STEAP2: variants seen among roughly 807,000 people sequenced by gnomAD.
STEAP2 encodes the protein STEAP2 metalloreductase.
A neutral mutation model predicts 46.4 loss-of-function variants in STEAP2; 30 were observed. That is an observed-to-expected ratio of 0.65 (90% CI 0.48 to 0.88). The LOEUF is 0.88. Ranked by LOEUF, STEAP2 falls within the 40% of genes least tolerant of loss-of-function variation. STEAP2 has a pLI of 0.00. For synonymous variants in STEAP2, 180 were observed against 200.5 expected, an observed-to-expected ratio of 0.90 and a Z score of 0.86; for missense variants, 513 against 579.3, an observed-to-expected ratio of 0.89 and a Z score of 1.18.
intron 5 of STEAP2, among the ~76,000 whole-genome samples, chr7:90,231,516 A>G (rs1290338477): frequency 6.6e-6 from 1 of 151,970 alleles, no homozygotes; most frequent in Non-Finnish European, 1.5e-5. Context: ...ACCATGACCT[A>G]TTGCTCCCAG....
chr7:90,228,474 C>CA (rs1298708276), intron 4 of STEAP2, among the ~76,000 whole-genome samples: 5 of 152,112 alleles, frequency 3.3e-5, no homozygotes, highest in Non-Finnish European at 5.9e-5. Flanking sequence ...TGCCTCCTTC[C>CA]AGTCATTTGC....
In STEAP2 at chr7:90,232,577, G is replaced by A. The variant is rs768582190; in HGVS notation, c.1426G>A (p.Gly476Arg). 1.2e-6 allele frequency: 2 copies of A among 1,612,976 alleles called. No homozygotes were observed. The highest frequency in any genetic ancestry group is 3.3e-5 in the Admixed American group (2 of 59,954). Reference sequence around the variant, plus strand: ...GAGCCAATTTCTGGAAGAAGGTATGGGAGGAACAATTCCTCATGTCTCCCC... The same window carrying A: ...GAGCCAATTTCTGGAAGAAGGTATGAGAGGAACAATTCCTCATGTCTCCCC... ...EKSQFLEEGMGGTIPHVSPER... is the reference protein window; with the variant it reads ...EKSQFLEEGMRGTIPHVSPER... The change falls in exon 6 of 6, where the codon GGA becomes AGA. Residue 476 changes from glycine to arginine, a missense_variant. Transcript: ENST00000394621.
At chr7:90,226,936 A>G in intron 3 of STEAP2, 35 bp from the exon 4 acceptor site, 1 of 1,529,886 alleles carries the variant, frequency 6.5e-7, no homozygotes, top group East Asian at 2.3e-5. Context: ...TATAAACAAC[A>G]ATGGTAATGC....
At chr7:90,239,838 ATTC>A (rs1796040385), downstream of STEAP2, among the ~76,000 whole-genome samples, 1 of 152,144 alleles carries the variant, frequency 6.6e-6, no homozygotes, top group African/African-American at 2.4e-5. Context: ...AGGGGTGACT[ATTC>A]TTTTACTTTC....
chr7:90,220,584 T>C (rs1795214536), intron 2 of STEAP2, among the ~76,000 whole-genome samples: 1 of 152,168 alleles, frequency 6.6e-6, no homozygotes, highest in Non-Finnish European at 1.5e-5. Context: ...AACTTTTTGT[T>C]TCATCCATCC....
Position 90,237,019 on chromosome 7 carries a change from A to C in STEAP2, c.*4395A>C. On this transcript the variant is annotated 3_prime_UTR_variant, in exon 6 of 6. Transcript: ENST00000394621. Reference sequence around the variant, plus strand: ...GTCCTTGCAGTTAGGTGTACATGTGACTGAGTGTTGGCCAGTGAGATGAAG... The same window carrying C: ...GTCCTTGCAGTTAGGTGTACATGTGCCTGAGTGTTGGCCAGTGAGATGAAG... 6.4e-7 allele frequency: 1 copy of C among 1,556,464 alleles called. No homozygotes were observed. The highest frequency in any genetic ancestry group is 8.8e-7 in the Non-Finnish European group (1 of 1,131,118).
At chr7:90,221,428 A>G (rs890482057) in intron 2 of STEAP2, among the ~76,000 whole-genome samples, 12 of 152,140 alleles carry the variant, frequency 7.9e-5, no homozygotes, top group Admixed American at 3.9e-4. Context: ...TTTATTTGAT[A>G]TAAGTATAGT....
downstream of STEAP2, chr7:90,238,004 C>A: frequency 1.4e-6 from 1 of 711,350 alleles, no homozygotes. Context: ...AATAATTACC[C>A]ATTTTTACAG....
At chr7:90,241,676 G>C (rs1017462132), downstream of STEAP2, among the ~76,000 whole-genome samples, 5 of 152,124 alleles carry the variant, frequency 3.3e-5, no homozygotes, top group African/African-American at 4.8e-5. Flanking sequence ...ATACACATTA[G>C]GTTTTGAAAA....
At position 90,225,567 on chromosome 7, in the gene STEAP2, G is replaced by A; in HGVS notation, c.485G>A (p.Ser162Asn). ...WALQLGPKDASRQVYICSNNI... is the reference protein window; with the variant it reads ...WALQLGPKDANRQVYICSNNI... ...CTTCAGTTAGGACCTAAGGATGCCA[G>A]CCGGCAGGTATGTATTTTACATTTT... Residue 162 changes from serine to asparagine, a missense_variant, in exon 3 of 6, where the codon AGC becomes AAC. Physicochemically the swap from Ser to Asn is conservative, Grantham distance 46 (BLOSUM62 1). Coordinates refer to ENST00000394621, the MANE Select transcript of STEAP2 (RefSeq NM_001244944.2). The A allele has an allele frequency of 6.3e-7, 1 of 1,588,718 alleles. No individual in the cohort carries two copies. The highest frequency in any genetic ancestry group is 1.7e-4 in the Middle Eastern group (1 of 5,894).
At position 90,235,919 on chromosome 7, in the gene STEAP2, C is replaced by T. The variant is rs1440834112; in HGVS notation, c.*3295C>T. 8.2e-6 allele frequency: 8 copies of T among 980,074 alleles called. No homozygotes were observed. The highest frequency in any genetic ancestry group is 9.7e-6 in the Non-Finnish European group (8 of 825,282). 60.7% of individuals were successfully genotyped at this position (980,074 alleles called of 1,614,324 possible). A position where few individuals can be genotyped will look rare whatever the true frequency, so the allele number is the denominator to read the frequency against. ...TGCTACATACAGGTTGGCTAATGAGCTCTAGTGTTAAACTACCTGATTAAT... is the reference window on the plus strand; with the variant it reads ...TGCTACATACAGGTTGGCTAATGAGTTCTAGTGTTAAACTACCTGATTAAT... On this transcript the variant is annotated 3_prime_UTR_variant, in exon 6 of 6. Coordinates refer to ENST00000394621, the MANE Select transcript of STEAP2 (RefSeq NM_001244944.2).
chr7:90,223,334 A>G (rs1795335469), intron 2 of STEAP2, among the ~76,000 whole-genome samples: 1 of 151,926 alleles, frequency 6.6e-6, no homozygotes, highest in South Asian at 2.1e-4. Flanking sequence ...CAGCTTAACT[A>G]TTTCTCTCTC....
chr7:90,214,090 A>G (rs1211916799), intron 1 of STEAP2, among the ~76,000 whole-genome samples: 4 of 152,228 alleles, frequency 2.6e-5, no homozygotes, highest in African/African-American at 9.6e-5. Flanking sequence ...ATGTTTGGAA[A>G]GGGTCAAAAG....
At position 90,227,292 on chromosome 7, in the gene STEAP2, C is replaced by T. The variant is rs1217080128; in HGVS notation, c.814C>T (p.Leu272Phe). 6.2e-7 allele frequency: 1 copy of T among 1,613,832 alleles called. No individual in the cohort carries two copies. The highest frequency in any genetic ancestry group is 8.5e-7 in the Non-Finnish European group (1 of 1,179,828). ...VAITLLSLVY[L>F]AGLLAAAYQL... ...CATTACTTTGCTCTCCCTAGTATACCTCGCAGGTCTTCTGGCAGCTGCTTA... is the reference window on the plus strand; with the variant it reads ...CATTACTTTGCTCTCCCTAGTATACTTCGCAGGTCTTCTGGCAGCTGCTTA... The change falls in exon 4 of 6, where the codon CTC becomes TTC. Residue 272 changes from leucine (L) to phenylalanine (F), a missense_variant. Coordinates refer to ENST00000394621, the MANE Select transcript of STEAP2 (RefSeq NM_001244944.2).
rs538861097 is a variant in STEAP2, at chr7:90,234,368, T to C, written c.*1744T>C. ...CGTTCCTCTTCCTGAAATTATAACATTTCTAAACTTACCCACGTAGGTACT... is the reference window on the plus strand; with the variant it reads ...CGTTCCTCTTCCTGAAATTATAACACTTCTAAACTTACCCACGTAGGTACT... On this transcript the variant is annotated 3_prime_UTR_variant, in exon 6 of 6. Coordinates refer to ENST00000394621, the MANE Select transcript of STEAP2 (RefSeq NM_001244944.2). 2 of 985,308 alleles carry C rather than the reference T, an allele frequency of 2.0e-6. No homozygotes were observed. The highest frequency in any genetic ancestry group is 1.1e-4 in the East Asian group (1 of 8,808). The allele number at this position is 985,308 out of a possible 1,614,324, so 61.0% of individuals were successfully genotyped here.
At chr7:90,222,694 A>G (rs554352439) in intron 2 of STEAP2, among the ~76,000 whole-genome samples, 1 of 152,312 alleles carries the variant, frequency 6.6e-6, no homozygotes, top group East Asian at 1.9e-4. Flanking sequence ...ATTATGTCCT[A>G]TATAAGCATT....
At position 90,226,515 on chromosome 7, in the gene STEAP2, A is replaced by C. The variant is rs1253038286; in HGVS notation, c.493-456A>C. On this transcript the variant is annotated intron_variant, in intron 3 of 5. Transcript: ENST00000394621. ...ATAAATGATTATATAATATTCATTC[A>C]AATAGGATTTGTCATTCATCTGGCT... 4.6e-5 allele frequency among the ~76,000 whole-genome samples: 7 copies of C among 152,306 alleles called. No homozygotes were observed. The East Asian group carries it at 9.6e-4, about 21-fold the overall frequency.
In STEAP2 at chr7:90,227,237, G is replaced by C; in HGVS notation, c.759G>C (p.Glu253Asp). The C allele has an allele frequency of 6.2e-7, 1 of 1,613,790 alleles. No individual in the cohort carries two copies. Among genetic ancestry groups the C allele is most frequent in the Non-Finnish European group, 8.5e-7 (1 of 1,179,860 alleles). The part of the protein sequence containing the change: ...QQSDFYKIPI[E>D]IVNKTLPIVA... ...GTGACTTTTACAAAATTCCTATAGA[G>C]ATTGTGAATAAAACCTTACCTATAG... is the stretch of plus-strand genomic sequence containing the variant. Residue 253 changes from glutamate (E) to aspartate (D), a missense_variant, in exon 4 of 6, where the codon GAG becomes GAC. Physicochemically the swap from Glu to Asp is conservative, Grantham distance 45. Coordinates refer to ENST00000394621, the MANE Select transcript of STEAP2 (RefSeq NM_001244944.2).
At chr7:90,217,654 T>C (rs931000182) in intron 2 of STEAP2, among the ~76,000 whole-genome samples, 1 of 151,578 alleles carries the variant, frequency 6.6e-6, no homozygotes, top group Non-Finnish European at 1.5e-5. Context: ...TATCCATTTG[T>C]TGATGGACAT....
Sources: allele counts gnomAD v4.1 joint callset (sites outside exome capture counted in the v4.1 genomes callset), GRCh38; gene constraint gnomAD v4.1.1; transcripts MANE v1.5; gene names NCBI Gene and HGNC (gene_info 2026-07-23, HGNC 2026-07-21).